Variants in CTNND2 observed in about 807,000 individuals in gnomAD.
CTNND2 encodes catenin delta 2.
CTNND2 carries 22 observed loss-of-function variants against 144.4 expected under a neutral mutation model. The observed-to-expected ratio is 0.15, with a 90% CI of 0.11 to 0.22. The LOEUF (loss-of-function observed/expected upper bound fraction) is 0.22, where lower values mean the gene tolerates loss of function less well. CTNND2 is among the 10% of genes least tolerant of loss of function. The pLI is 1.00. For synonymous variants in CTNND2, 751 were observed against 695.6 expected, an observed-to-expected ratio of 1.08 and a Z score of -1.25; for missense variants, 1,353 against 1,618.8, an observed-to-expected ratio of 0.84 and a Z score of 2.82.
chr5:11,166,601 T>G (rs749322440), intron 11 of CTNND2, among the ~76,000 whole-genome samples: 2 of 149,682 alleles, frequency 1.3e-5, no homozygotes, highest in African/African-American at 2.5e-5. Flanking sequence ...ATGGTGGGAG[T>G]GGGAGGGGGA....
intron 7 of CTNND2, among the ~76,000 whole-genome samples, chr5:11,377,632 T>C (rs1270292607): frequency 1.3e-5 from 2 of 152,172 alleles, no homozygotes; most frequent in Non-Finnish European, 2.9e-5. Flanking sequence ...TTTACCCGCA[T>C]TTGATTTACA....
At chr5:11,480,734 C>G (rs1308799748) in intron 3 of CTNND2, among the ~76,000 whole-genome samples, 1 of 151,530 alleles carries the variant, frequency 6.6e-6, no homozygotes, top group African/African-American at 2.4e-5. Context: ...AAGAGTTGCA[C>G]AGAGACCTAG....
At chr5:11,290,466 C>T (rs1748214856) in intron 9 of CTNND2, among the ~76,000 whole-genome samples, 1 of 152,178 alleles carries the variant, frequency 6.6e-6, no homozygotes. Context: ...CCATTTCTAC[C>T]TCTACCATGA....
At chr5:11,432,120 G>A (rs1266922963) in intron 3 of CTNND2, among the ~76,000 whole-genome samples, 1 of 118,386 alleles carries the variant, frequency 8.4e-6, no homozygotes, top group Non-Finnish European at 1.6e-5. Flanking sequence ...TGAGGTTGAG[G>A]CTTTTTTTTT....
At chr5:11,701,893 C>G (rs1320430758) in intron 2 of CTNND2, among the ~76,000 whole-genome samples, 1 of 152,186 alleles carries the variant, frequency 6.6e-6, no homozygotes, top group East Asian at 1.9e-4. Context: ...ATCTCAGCAG[C>G]TCGAGTCAAC....
intron 21 of CTNND2, among the ~76,000 whole-genome samples, chr5:10,979,536 G>T (rs1367551690): frequency 1.3e-5 from 2 of 152,234 alleles, no homozygotes; most frequent in African/African-American, 4.8e-5. Flanking sequence ...ATGGGAAGGA[G>T]AGATGTATGA....
intron 1 of CTNND2, among the ~76,000 whole-genome samples, chr5:11,754,041 A>G (rs13360985): frequency 0.08 from 11,984 of 150,228 alleles, 1,269 homozygotes; most frequent in African/African-American, 0.24. Context: ...GTTATTTCCA[A>G]TTGTGTTTAT....
intron 7 of CTNND2, among the ~76,000 whole-genome samples, chr5:11,377,192 A>G (rs778853783): frequency 5.3e-5 from 8 of 151,816 alleles, no homozygotes; most frequent in Non-Finnish European, 7.4e-5. Context: ...CTGGGATTAC[A>G]GGCACGCGCC....
At chr5:11,180,776 T>G (rs186799652) in intron 11 of CTNND2, among the ~76,000 whole-genome samples, 122 of 152,384 alleles carry the variant, frequency 8.0e-4, no homozygotes, top group African/African-American at 2.6e-3. Flanking sequence ...GATCTGGCTC[T>G]TTAGAGAACC....
intron 18 of CTNND2, among the ~76,000 whole-genome samples, chr5:11,012,611 C>T (rs537135388): frequency 1.2e-4 from 18 of 152,256 alleles, no homozygotes; most frequent in South Asian, 6.2e-4. Flanking sequence ...AGAGGGCTGC[C>T]GGAAGTCAGT....
At chr5:11,339,645 A>G (rs997923257) in intron 9 of CTNND2, among the ~76,000 whole-genome samples, 2 of 152,136 alleles carry the variant, frequency 1.3e-5, no homozygotes, top group Non-Finnish European at 2.9e-5. Flanking sequence ...AATGTGATGC[A>G]TTAGGAGGTG....
intron 10 of CTNND2, among the ~76,000 whole-genome samples, chr5:11,228,465 A>T: frequency 7.2e-6 from 1 of 138,176 alleles, no homozygotes; most frequent in African/African-American, 2.7e-5. Context: ...CTGTTTACTT[A>T]TTTTCTGTCC....
At chr5:11,514,251 T>C (rs982636352) in intron 3 of CTNND2, among the ~76,000 whole-genome samples, 32 of 152,102 alleles carry the variant, frequency 2.1e-4, no homozygotes, top group East Asian at 5.8e-4. Flanking sequence ...AATATACACA[T>C]ATATATATAA....
intron 1 of CTNND2, among the ~76,000 whole-genome samples, chr5:11,899,013 T>C (rs954824094): frequency 6.6e-6 from 1 of 152,188 alleles, no homozygotes; most frequent in African/African-American, 2.4e-5. Context: ...GGGCACTTTT[T>C]TGTCTTCACT....
At chr5:11,560,351 G>A (rs1561557228) in intron 3 of CTNND2, among the ~76,000 whole-genome samples, 8 of 152,116 alleles carry the variant, frequency 5.3e-5, no homozygotes, top group South Asian at 2.1e-4. Context: ...TACCCTGATC[G>A]TCAATCACAA....
chr5:11,270,711 T>C (rs886625191), intron 9 of CTNND2, among the ~76,000 whole-genome samples: 1 of 152,202 alleles, frequency 6.6e-6, no homozygotes, highest in African/African-American at 2.4e-5. Flanking sequence ...CTAGGCTATG[T>C]CTCTTAATAC....
intron 3 of CTNND2, among the ~76,000 whole-genome samples, chr5:11,474,255 T>C (rs1357162846): frequency 1.3e-5 from 2 of 152,238 alleles, no homozygotes; most frequent in East Asian, 1.9e-4. Context: ...ATTTAACTGA[T>C]TGTTCGGCCC....
intron 12 of CTNND2, among the ~76,000 whole-genome samples, chr5:11,148,547 G>T (rs867989107): frequency 4.6e-5 from 7 of 152,240 alleles, no homozygotes; most frequent in Admixed American, 1.3e-4. Flanking sequence ...TCATAGCTCA[G>T]TAAGTTTTAA....
chr5:11,435,467 C>T (rs1763688033), intron 3 of CTNND2, among the ~76,000 whole-genome samples: 1 of 152,068 alleles, frequency 6.6e-6, no homozygotes, highest in Non-Finnish European at 1.5e-5. Flanking sequence ...TCTGTAAAGG[C>T]ACCGCTATTT....
Sources: allele counts gnomAD v4.1 joint callset (sites outside exome capture counted in the v4.1 genomes callset), GRCh38; gene constraint gnomAD v4.1.1; transcripts MANE v1.5; gene names NCBI Gene and HGNC (gene_info 2026-07-23, HGNC 2026-07-21).